YAF2: variants seen among roughly 807,000 people sequenced by gnomAD.
YAF2 encodes YY1 associated factor 2, also known as YY1-associated factor 2.
Under a neutral mutation model 20.1 loss-of-function variants are expected in YAF2, and 7 were observed. The ratio of observed to expected loss-of-function variants is 0.35; its 90% CI spans 0.20 to 0.65. The LOEUF (loss-of-function observed/expected upper bound fraction) is 0.65. Ranked by LOEUF, YAF2 falls within the 30% of genes least tolerant of loss-of-function variation. YAF2 has a pLI of 0.69. For missense variants in YAF2, 151 were observed against 219.2 expected (o/e 0.69, Z 1.96); for synonymous variants, 74 against 76.0 (o/e 0.97, Z 0.14).
At position 42,181,472 on chromosome 12, in the gene YAF2, T is replaced by C. The variant is rs114039773; in HGVS notation, c.153-19707A>G. Reference sequence around the variant, plus strand: ...ACTTCTTGCGTAATGATCAGATCTGTGGCTCTTTGAATAACTGCTCCGGGA... The same window carrying C: ...ACTTCTTGCGTAATGATCAGATCTGCGGCTCTTTGAATAACTGCTCCGGGA... On this transcript the variant is annotated intron_variant, in intron 2 of 3. Coordinates refer to ENST00000534854, the MANE Select transcript of YAF2 (RefSeq NM_005748.6). 3.4e-3 allele frequency among the ~76,000 whole-genome samples: 511 copies of C among 152,344 alleles called. 3 individuals are homozygous for C. The highest frequency in any genetic ancestry group is 0.012 in the African/African-American group (491 of 41,582).
intron 2 of YAF2, among the ~76,000 whole-genome samples, chr12:42,218,976 T>G (rs935910578): frequency 6.6e-6 from 1 of 152,214 alleles, no homozygotes; most frequent in Non-Finnish European, 1.5e-5. Flanking sequence ...CTCTTCTTTT[T>G]GAAATGTGAG....
intron 2 of YAF2, among the ~76,000 whole-genome samples, chr12:42,173,878 A>G (rs868226649): frequency 2.6e-5 from 4 of 152,222 alleles, no homozygotes; most frequent in Admixed American, 2.0e-4. Context: ...AAGAGAAGCT[A>G]TTCGATTAGA....
intron 2 of YAF2, among the ~76,000 whole-genome samples, chr12:42,172,516 C>T (rs947532008): frequency 2.0e-5 from 3 of 151,932 alleles, no homozygotes; most frequent in Admixed American, 6.6e-5. Context: ...TTTTTTTAAG[C>T]GACTAGGGCA....
intron 2 of YAF2, chr12:42,199,282 G>C (rs1311429888): frequency 1.4e-5 from 15 of 1,087,780 alleles, no homozygotes; most frequent in Admixed American, 1.1e-4. Flanking sequence ...TGTACACATG[G>C]AACAGAATTT....
chr12:42,201,595 C>T (rs712126), intron 2 of YAF2, among the ~76,000 whole-genome samples: 104,802 of 151,904 alleles, frequency 0.69, 37,133 homozygotes, highest in African/African-American at 0.86. Flanking sequence ...GTTGCTGTTG[C>T]TGTTGTTGTT....
chr12:42,237,115 G>C (rs1345792653), intron 2 of YAF2, among the ~76,000 whole-genome samples: 1 of 152,096 alleles, frequency 6.6e-6, no homozygotes, highest in East Asian at 1.9e-4. Flanking sequence ...ATAAAACCTT[G>C]ATCTGACCCT....
At chr12:42,203,606 T>C (rs2066959215) in intron 2 of YAF2, among the ~76,000 whole-genome samples, 1 of 152,184 alleles carries the variant, frequency 6.6e-6, no homozygotes, top group Admixed American at 6.5e-5. Context: ...TTAATGGGTA[T>C]TGAGTTTTAA....
At chr12:42,225,864 CT>C (rs905632022) in intron 2 of YAF2, among the ~76,000 whole-genome samples, 3 of 152,140 alleles carry the variant, frequency 2.0e-5, no homozygotes, top group African/African-American at 7.2e-5. Context: ...TATACAGGCT[CT>C]TTTTTGGTTC....
At chr12:42,166,876 C>T (rs2065928095) in intron 2 of YAF2, among the ~76,000 whole-genome samples, 1 of 150,540 alleles carries the variant, frequency 6.6e-6, no homozygotes, top group Non-Finnish European at 1.5e-5. Context: ...ACTGTCTCTA[C>T]ACTTTTGTAC....
At chr12:42,162,133 T>C (rs934840166) in intron 2 of YAF2, among the ~76,000 whole-genome samples, 2 of 152,208 alleles carry the variant, frequency 1.3e-5, no homozygotes, top group African/African-American at 2.4e-5. Context: ...AATAATAATT[T>C]ATCCCTCCTT....
intron 2 of YAF2, among the ~76,000 whole-genome samples, chr12:42,211,824 G>A (rs1042408575): frequency 9.2e-5 from 14 of 151,524 alleles, no homozygotes; most frequent in Admixed American, 3.3e-4. Context: ...CGAGGTGGGC[G>A]GATTAGCTGA....
chr12:42,176,807 CAA>C (rs942352637), intron 2 of YAF2, among the ~76,000 whole-genome samples: 7 of 150,706 alleles, frequency 4.6e-5, no homozygotes, highest in Admixed American at 2.0e-4. Flanking sequence ...ACTAAAAATA[CAA>C]AAAAAAATGT....
At chr12:42,197,283 C>G (rs1662732535) in intron 2 of YAF2, among the ~76,000 whole-genome samples, 1 of 152,206 alleles carries the variant, frequency 6.6e-6, no homozygotes, top group African/African-American at 2.4e-5. Flanking sequence ...GAACCCTCCT[C>G]TAACTCAAAA....
At chr12:42,218,418 T>A (rs1319775915) in intron 2 of YAF2, among the ~76,000 whole-genome samples, 1 of 152,224 alleles carries the variant, frequency 6.6e-6, no homozygotes, top group Non-Finnish European at 1.5e-5. Flanking sequence ...TACCTTAGTG[T>A]CTATGCTTGC....
intron 2 of YAF2, among the ~76,000 whole-genome samples, chr12:42,201,914 C>T (rs1440425415): frequency 6.6e-6 from 1 of 152,130 alleles, no homozygotes; most frequent in Non-Finnish European, 1.5e-5. Flanking sequence ...TTTGAGGCAA[C>T]AAAATCATTT....
At chr12:42,192,453 G>T (rs1408884178) in intron 2 of YAF2, among the ~76,000 whole-genome samples, 2 of 152,152 alleles carry the variant, frequency 1.3e-5, no homozygotes, top group Non-Finnish European at 2.9e-5. Flanking sequence ...AGGCTGCAGT[G>T]AGCTGTGATC....
intron 2 of YAF2, among the ~76,000 whole-genome samples, chr12:42,165,902 A>ATCTATCTATCTATCTATCTG (rs1178134121): frequency 1.5e-4 from 22 of 146,512 alleles, no homozygotes; most frequent in African/African-American, 5.6e-4. Flanking sequence ...CTATCTATCT[A>ATCTATCTATCTATCTATCTG]TCTGTCTATA....
rs538563638 is a variant in YAF2, at chr12:42,212,923, A to G, written c.152+24676T>C. On this transcript the variant is annotated intron_variant, in intron 2 of 3. Transcript: ENST00000534854. ...AAAGGGTCATCTAGGTAACTCTGCT[A>G]GTTTACTAGACTCCTAGTCACTGGA... is the stretch of plus-strand genomic sequence containing the variant. Among the ~76,000 whole-genome samples the G allele has an allele frequency of 2.0e-5, 3 of 152,378 alleles. No homozygotes were observed. In the South Asian group the frequency reaches 6.2e-4, roughly 32 times the overall value.
At chr12:42,224,533 C>A (rs1479608547) in intron 2 of YAF2, among the ~76,000 whole-genome samples, 2 of 152,044 alleles carry the variant, frequency 1.3e-5, no homozygotes, top group Admixed American at 6.6e-5. Context: ...CTCTAGCCCC[C>A]CACCCCGCGA....
Sources: gnomAD v4.1 joint callset for allele counts (sites outside exome capture counted in the v4.1 genomes callset) on GRCh38, gnomAD v4.1.1 for gene constraint, MANE v1.5 for transcripts, NCBI Gene and HGNC (gene_info 2026-07-23, HGNC 2026-07-21) for gene names.